SRP54: variants seen among roughly 807,000 people sequenced by gnomAD.
SRP54 encodes the protein signal recognition particle subunit SRP54.
Under a neutral mutation model 64.8 loss-of-function variants are expected in SRP54, and 10 were observed. The observed-to-expected ratio is 0.15, with a 90% CI of 0.10 to 0.26. The LOEUF (loss-of-function observed/expected upper bound fraction) is 0.26, where lower values mean the gene tolerates loss of function less well. Among genes scored for constraint, SRP54 ranks in the 10% least tolerant of loss-of-function variants. SRP54 has a pLI of 1.00. For synonymous variants in SRP54, 193 were observed against 185.6 expected (o/e 1.04, Z -0.32); for missense variants, 325 against 613.7 (o/e 0.53, Z 4.97).
chr14:35,026,380 A>G (rs1005030216), intron 14 of SRP54, among the ~76,000 whole-genome samples: 1 of 151,968 alleles, frequency 6.6e-6, no homozygotes, highest in African/African-American at 2.4e-5. Context: ...GACGCATGCT[A>G]TCACACTGAG....
intron 4 of SRP54, among the ~76,000 whole-genome samples, chr14:35,006,540 A>G (rs912742509): frequency 6.6e-6 from 1 of 152,216 alleles, no homozygotes; most frequent in African/African-American, 2.4e-5. Context: ...TATGAAAATG[A>G]TAATTTTTTA....
At chr14:34,999,014 G>GGTT (rs2044128179) in intron 2 of SRP54, among the ~76,000 whole-genome samples, 6 of 36,666 alleles carry the variant, frequency 1.6e-4, no homozygotes, top group East Asian at 6.1e-3. Context: ...TGTGTGTGTG[G>GGTT]TTTTTTTTTT....
At chr14:35,014,290 T>TTTTTTTTTTTTTGTTTTTG (rs376712278) in intron 10 of SRP54, among the ~76,000 whole-genome samples, 4 of 127,282 alleles carry the variant, frequency 3.1e-5, no homozygotes, top group Non-Finnish European at 6.6e-5. Flanking sequence ...TTTTTTTTTT[T>TTTTTTTTTTTTTGTTTTTG]TTTTGAGACG....
chr14:35,001,796 A>G (rs909780808), intron 4 of SRP54, among the ~76,000 whole-genome samples: 2 of 152,206 alleles, frequency 1.3e-5, no homozygotes, highest in African/African-American at 4.8e-5. Context: ...AAATATAGCC[A>G]GTTGCCCTGC....
At chr14:34,992,980 CT>C (rs964531959) in intron 1 of SRP54, among the ~76,000 whole-genome samples, 8 of 152,080 alleles carry the variant, frequency 5.3e-5, no homozygotes, top group African/African-American at 1.9e-4. Context: ...CTGCCTCACA[CT>C]CCTGAGTAGC....
At chr14:34,986,178 G>T (rs1175090314) in intron 1 of SRP54, among the ~76,000 whole-genome samples, 2 of 152,032 alleles carry the variant, frequency 1.3e-5, no homozygotes, top group Non-Finnish European at 2.9e-5. Flanking sequence ...AATTGGTGCT[G>T]TGATATTATT....
chr14:35,006,973 G>T (rs1378405168), intron 4 of SRP54, among the ~76,000 whole-genome samples: 1 of 152,160 alleles, frequency 6.6e-6, no homozygotes, highest in Non-Finnish European at 1.5e-5. Context: ...AGGATTGCTT[G>T]AACCCAGAAG....
chr14:35,010,625 C>G (rs779923456), intron 7 of SRP54, among the ~76,000 whole-genome samples: 1 of 151,636 alleles, frequency 6.6e-6, no homozygotes, highest in Non-Finnish European at 1.5e-5. Flanking sequence ...ATTAGCCAGG[C>G]CTGGTGGCAG....
intron 1 of SRP54, among the ~76,000 whole-genome samples, chr14:34,991,963 T>A (rs368075231): frequency 1.2e-4 from 19 of 152,236 alleles, no homozygotes; most frequent in African/African-American, 3.6e-4. Context: ...GACGGAGTTT[T>A]GCTCTTGTCA....
chr14:34,990,569 T>A (rs571817550), intron 1 of SRP54, among the ~76,000 whole-genome samples: 1 of 152,340 alleles, frequency 6.6e-6, no homozygotes, highest in Admixed American at 6.5e-5. Flanking sequence ...AGATTCTTCC[T>A]TTGTGAAATT....
chr14:35,021,126 A>G (rs1182319047), intron 13 of SRP54, among the ~76,000 whole-genome samples: 1 of 152,132 alleles, frequency 6.6e-6, no homozygotes, highest in East Asian at 1.9e-4. Context: ...TTATTTTGAG[A>G]TATTGTATCT....
intron 1 of SRP54, among the ~76,000 whole-genome samples, chr14:34,991,871 G>C (rs964498940): frequency 2.6e-5 from 4 of 152,150 alleles, no homozygotes; most frequent in Admixed American, 6.6e-5. Context: ...AGGAAACACT[G>C]TAAGTTAAAG....
chr14:35,016,718 C>CTGGGT (rs2044444470), intron 11 of SRP54, among the ~76,000 whole-genome samples: 1 of 152,068 alleles, frequency 6.6e-6, no homozygotes. Flanking sequence ...GAGGTCATAG[C>CTGGGT]TGGGTTACTC....
intron 4 of SRP54, among the ~76,000 whole-genome samples, chr14:35,003,687 A>T (rs1364130655): frequency 1.3e-5 from 2 of 148,982 alleles, no homozygotes; most frequent in African/African-American, 5.0e-5. Flanking sequence ...CCTACACCTG[A>T]GCCTCCTAGT....
In SRP54 at chr14:35,016,857, TTTTC is replaced by T. The variant is rs1205723146; in HGVS notation, c.974-1832_974-1829del. 2.2e-3 allele frequency among the ~76,000 whole-genome samples: 313 copies of T among 144,562 alleles called. 5 individuals carry two copies. Among genetic ancestry groups the T allele is most frequent in the African/African-American group, 4.1e-3 (162 of 39,942 alleles). The allele number at this position is 144,562 out of a possible 152,430, so 94.8% of individuals were successfully genotyped here. ...TTTTTTTTCTTTTCTTTTTTTTTTT[TTTTC>T]TTCTTTTTTTGAGACAGAGTTTCAC... On this transcript the variant is annotated intron_variant, in intron 11 of 15. Transcript: ENST00000216774.
intron 15 of SRP54, among the ~76,000 whole-genome samples, chr14:35,028,711 T>C (rs143710646): frequency 1.5e-3 from 221 of 152,322 alleles, no homozygotes; most frequent in African/African-American, 5.2e-3. Flanking sequence ...TAATCCCCTA[T>C]TGATTATTTT....
rs1054309810 is a variant in SRP54 at position 35,021,833 on chromosome 14, C to T, written c.1157-1077C>T. ...TCTCCTGGGGATATTAAGACCAAGG[C>T]TAGATAACCATTTATTTGGGGGATA... is the stretch of plus-strand genomic sequence containing the variant. On this transcript the variant is annotated intron_variant, in intron 13 of 15. Coordinates refer to ENST00000216774, the MANE Select transcript of SRP54 (RefSeq NM_003136.4). 3.3e-5 allele frequency among the ~76,000 whole-genome samples: 5 copies of T among 152,178 alleles called. 1 individual carries two copies. The highest frequency in any genetic ancestry group is 1.2e-4 in the African/African-American group (5 of 41,442).
chr14:34,988,578 A>AAAT (rs1384552218), intron 1 of SRP54, among the ~76,000 whole-genome samples: 10 of 47,106 alleles, frequency 2.1e-4, no homozygotes, highest in Non-Finnish European at 3.4e-4. Flanking sequence ...AAAAAAAAAA[A>AAAT]ATATATATAT....
intron 8 of SRP54, among the ~76,000 whole-genome samples, chr14:35,012,941 GT>G (rs761844773): frequency 0.032 from 3,772 of 118,310 alleles, 34 homozygotes; most frequent in South Asian, 0.067. Context: ...AAATGTTGTA[GT>G]TTTTTTTTTT....
Sources: allele counts gnomAD v4.1 joint callset (sites outside exome capture counted in the v4.1 genomes callset), GRCh38; gene constraint gnomAD v4.1.1; transcripts MANE v1.5; gene names NCBI Gene and HGNC (gene_info 2026-07-23, HGNC 2026-07-21).